The following MYO18A variants were observed in gnomAD, a reference collection of about 807,000 sequenced individuals.
The protein encoded by MYO18A is myosin XVIIIA.
A neutral mutation model predicts 235.8 loss-of-function variants in MYO18A; 78 were observed. That is an observed-to-expected ratio of 0.33 (90% CI 0.28 to 0.40). The LOEUF (loss-of-function observed/expected upper bound fraction) is 0.40, where lower values mean the gene tolerates loss of function less well. Among genes scored for constraint, MYO18A ranks in the 10% least tolerant of loss-of-function variants. The probability of loss-of-function intolerance (pLI) is 1.00; values close to 1 mark genes in which losing one functional copy is unlikely to be tolerated. For missense variants in MYO18A, 2,215 were observed against 2,699.3 expected (o/e 0.82, Z 3.98); for synonymous variants, 977 against 1,077.8 (o/e 0.91, Z 1.83).
In MYO18A at chr17:29,110,099, G is replaced by A. The variant is rs752966597; in HGVS notation, c.3090C>T (p.Asp1030=). ...SLCIQMKLQV[D]ALIDTIKKSK... ...ACTTCTTGATGGTGTCGATGAGGGCGTCCTGCCGAGGGGAAGAGACTGCCC... is the reference window on the plus strand; with the variant it reads ...ACTTCTTGATGGTGTCGATGAGGGCATCCTGCCGAGGGGAAGAGACTGCCC... Residue 1030 remains aspartate, a splice_region_variant and synonymous_variant, in exon 19 of 42, where the codon GAC becomes GAT. Coordinates refer to ENST00000527372, the MANE Select transcript of MYO18A (RefSeq NM_078471.4). 24 of 1,609,122 alleles carry A rather than the reference G, an allele frequency of 1.5e-5. No homozygotes were observed. The highest frequency in any genetic ancestry group is 5.5e-5 in the South Asian group (5 of 91,010).
rs555640818 is a variant in MYO18A at position 29,109,175 on chromosome 17, A to C, written c.3331+683T>G. Among the ~76,000 whole-genome samples, 26 of 151,742 alleles carry C rather than the reference A, an allele frequency of 1.7e-4. No homozygotes were observed. The highest frequency in any genetic ancestry group is 3.9e-4 in the East Asian group (2 of 5,142). ...AAAAAACAAAAAAAAAACAAAAAAAACCCACCCTACTTGAGAGACATGAGA... is the reference window on the plus strand; with the variant it reads ...AAAAAACAAAAAAAAAACAAAAAAACCCCACCCTACTTGAGAGACATGAGA... On this transcript the variant is annotated intron_variant, in intron 19 of 41. Coordinates refer to ENST00000527372, the MANE Select transcript of MYO18A (RefSeq NM_078471.4). This position sits in a 1 kb window ranked among gnomAD's most constrained non-coding sequence, Gnocchi z 4.1.
At chr17:29,122,457 G>A (rs2067225062) in intron 2 of MYO18A, among the ~76,000 whole-genome samples, 1 of 152,128 alleles carries the variant, frequency 6.6e-6, no homozygotes, top group Non-Finnish European at 1.5e-5. Context: ...TGGCTCTAAG[G>A]AGCCCTGAGG....
chr17:29,118,919 T>C lies in MYO18A; in HGVS notation c.1829+416A>G, dbSNP rs2067136204. ...AGTCTGGAGGGCACTGGAAGAGGCA[T>C]GGGCTTTTGGCCCCAGTGTGGATTC... is the stretch of plus-strand genomic sequence containing the variant. On this transcript the variant is annotated intron_variant, in intron 8 of 41. Transcript: ENST00000527372. This position sits in a 1 kb window ranked among gnomAD's most constrained non-coding sequence, Gnocchi z 4.2. 6.6e-6 allele frequency among the ~76,000 whole-genome samples: 1 copy of C among 152,104 alleles called. No individual in the cohort carries two copies. The highest frequency in any genetic ancestry group is 1.5e-5 in the Non-Finnish European group (1 of 68,008).
chr17:29,100,976 A>C (rs2066639775), intron 21 of MYO18A, among the ~76,000 whole-genome samples: 1 of 152,176 alleles, frequency 6.6e-6, no homozygotes, highest in Non-Finnish European at 1.5e-5. Context: ...CATGGGTCTT[A>C]AGTTCTACCT....
Position 29,111,636 on chromosome 17 carries a change from C to A in MYO18A, c.2741-53G>T. On this transcript the variant is annotated intron_variant, in intron 16 of 41. Transcript: ENST00000527372. This position sits in a 1 kb window ranked among gnomAD's most constrained non-coding sequence, Gnocchi z 5.1. ...TCGTCAGGGTACAGGCACAAAGTGA[C>A]CCCCGCCCCCTCCCAGGGAGTGCCA... 1 of 1,611,424 alleles carries A rather than the reference C, an allele frequency of 6.2e-7. No homozygotes were observed. Among genetic ancestry groups the A allele is most frequent in the Non-Finnish European group, 8.5e-7 (1 of 1,178,180 alleles).
At chr17:29,131,613 A>G (rs1035986211) in intron 2 of MYO18A, among the ~76,000 whole-genome samples, 3 of 152,240 alleles carry the variant, frequency 2.0e-5, no homozygotes, top group African/African-American at 7.2e-5. Context: ...TCCTAGAATC[A>G]GAACTGTTCA....
In MYO18A at chr17:29,074,901, A is replaced by T. The variant is rs750819887; in HGVS notation, c.6034T>A (p.Trp2012Arg). 6.2e-7 allele frequency: 1 copy of T among 1,613,838 alleles called. No homozygotes were observed. The highest frequency in any genetic ancestry group is 8.5e-7 in the Non-Finnish European group (1 of 1,179,878). Residue 2012 changes from tryptophan (W) to arginine (R), a missense_variant, in exon 42 of 42, where the codon TGG becomes AGG. Trp to Arg is a moderately radical substitution (Grantham distance 101). Coordinates refer to ENST00000527372, the MANE Select transcript of MYO18A (RefSeq NM_078471.4). This position sits in a 1 kb window ranked among gnomAD's most constrained non-coding sequence, Gnocchi z 4.4. The part of the protein sequence containing the change: ...SLKSSSPTSY[W>R]KSLAPDRSDD... ...GACCGATCAGGGGCAAGGGACTTCC[A>T]GTAGCTGGTGGGGCTGCAGGGACCG...
chr17:29,080,410 G>A (rs1415270432), intron 41 of MYO18A: 5 of 986,012 alleles, frequency 5.1e-6, no homozygotes, highest in East Asian at 2.3e-4. Flanking sequence ...GCTGTACTGC[G>A]AGCAGGCCTC....
intron 10 of MYO18A, among the ~76,000 whole-genome samples, chr17:29,116,725 TCCCCCCCCCCCC>T (rs969314500): frequency 2.8e-4 from 1 of 3,564 alleles, no homozygotes; most frequent in African/African-American, 5.5e-4. Context: ...AAACACACCC[TCCCCCCCCCCCC>T]CCCCCCCCGC....
In MYO18A at chr17:29,087,022, G is replaced by T; in HGVS notation, c.5626C>A (p.Leu1876Ile). 1 of 1,614,024 alleles carries T rather than the reference G, an allele frequency of 6.2e-7. No homozygotes were observed. The highest frequency in any genetic ancestry group is 1.1e-5 in the South Asian group (1 of 91,078). Residue 1876 changes from leucine to isoleucine, a missense_variant, in exon 38 of 42, where the codon CTA becomes ATA. Physicochemically the swap from Leu to Ile is conservative, Grantham distance 5. Coordinates refer to ENST00000527372, the MANE Select transcript of MYO18A (RefSeq NM_078471.4). ...TTGGTGTCCCGGAGCTGCCTCTGTA[G>T]CCGCTTGTTCTGTTCCTTCTCCCGG... ...ENREKEQNKR[L>I]QRQLRDTKEE...
chr17:29,095,051 C>T lies in MYO18A; in HGVS notation c.4394G>A (p.Ser1465Asn), dbSNP rs766803489. The T allele has an allele frequency of 3.9e-6, 6 of 1,543,244 alleles. No individual in the cohort carries two copies. In the African/African-American group the frequency reaches 8.3e-5, roughly 21 times the overall value. The change falls in exon 29 of 42, where the codon AGT becomes AAT. Residue 1465 changes from serine (S) to asparagine (N), a missense_variant. Ser to Asn is a conservative substitution (Grantham distance 46, BLOSUM62 1). Transcript: ENST00000527372. ...CTCCTCATGCGCCTGCGAGAGCTCA[C>T]TGTCAAACCTGCGAGGGAGTGTGGC... ...ELEKKQRRFD[S>N]ELSQAHEEAQ...
intron 30 of MYO18A, among the ~76,000 whole-genome samples, 159 bp downstream of exon 30, chr17:29,094,491 G>T (rs2066473878): frequency 6.6e-6 from 1 of 152,258 alleles, no homozygotes. Flanking sequence ...ACTGTGGCTG[G>T]CACAGATCAG....
At chr17:29,082,189 T>C (rs969542907) in intron 41 of MYO18A, 127 bp downstream of exon 41, 4 of 1,278,886 alleles carry the variant, frequency 3.1e-6, no homozygotes, top group African/African-American at 2.9e-5. Flanking sequence ...GCCAGAAGCA[T>C]GCCCGGGCCG....
At chr17:29,101,997 C>T (rs1568064320) in intron 21 of MYO18A, among the ~76,000 whole-genome samples, 1 of 152,200 alleles carries the variant, frequency 6.6e-6, no homozygotes, top group South Asian at 2.1e-4. Context: ...GAAGACCCCC[C>T]TCCTCTGAAG....
rs1215441649 is a variant in MYO18A, at chr17:29,073,048, CTAA to C, written c.*1719_*1721del. On this transcript the variant is annotated 3_prime_UTR_variant, in exon 42 of 42. Transcript: ENST00000527372. ...TAAAATTAAGCTTTTAAAAAATGTT[CTAA>C]TGAGAAGGGCTTGAATCCAAAAAGA... 19 of 151,056 alleles carry C rather than the reference CTAA, an allele frequency of 1.3e-4. No individual in the cohort carries two copies. Among genetic ancestry groups the C allele is most frequent in the African/African-American group, 4.1e-4 (17 of 40,986 alleles). 9.4% of individuals were successfully genotyped at this position (151,056 alleles called of 1,614,324 possible). A position where few individuals can be genotyped will look rare whatever the true frequency, so the allele number is the denominator to read the frequency against.
chr17:29,089,868 C>T (rs2083013081), intron 37 of MYO18A, 93 bp downstream of exon 37: 29 of 1,532,696 alleles, frequency 1.9e-5, no homozygotes, highest in Middle Eastern at 1.7e-4. Flanking sequence ...GAGGACTGTC[C>T]GGGGGCCTGT....
Position 29,165,971 on chromosome 17 carries a change from C to G in MYO18A, c.970G>C (p.Gly324Arg). ...GATGGCTCCCTGCGAGGTCCCTCGC[C>G]GCTCCGCAGCCAGCTCCTGCTGAGC... ...SELSRSWLRSGEGPRREPSDA... is the reference protein window; with the variant it reads ...SELSRSWLRSREGPRREPSDA... Residue 324 changes from glycine (G) to arginine (R), a missense_variant, in exon 2 of 42, where the codon GGC becomes CGC. Coordinates refer to ENST00000527372, the MANE Select transcript of MYO18A (RefSeq NM_078471.4). 2 of 1,613,314 alleles carry G rather than the reference C, an allele frequency of 1.2e-6. No homozygotes were observed. The highest frequency in any genetic ancestry group is 1.7e-4 in the Middle Eastern group (1 of 6,060).
chr17:29,160,828 CAGG>C (rs1192609644), intron 2 of MYO18A, among the ~76,000 whole-genome samples: 1 of 152,218 alleles, frequency 6.6e-6, no homozygotes, highest in Non-Finnish European at 1.5e-5. Context: ...CACGGTCCAC[CAGG>C]AGAAGTACCC....
intron 2 of MYO18A, among the ~76,000 whole-genome samples, chr17:29,153,997 G>A (rs767360610): frequency 2.0e-5 from 3 of 152,182 alleles, no homozygotes; most frequent in Admixed American, 6.5e-5. Context: ...CCTCTGGTGC[G>A]AAGCCAGCTG....
Sources: gnomAD v4.1 joint callset for allele counts (sites outside exome capture counted in the v4.1 genomes callset) on GRCh38, gnomAD v4.1.1 for gene constraint, Gnocchi (gnomAD v3.1) non-coding constraint, MANE v1.5 for transcripts, NCBI Gene and HGNC (gene_info 2026-07-23, HGNC 2026-07-21) for gene names.